SUPT3H: variants seen among roughly 807,000 people sequenced by gnomAD.
SUPT3H encodes the protein transcription initiation protein SPT3 homolog.
Under a neutral mutation model 44.3 loss-of-function variants are expected in SUPT3H, and 44 were observed. The ratio of observed to expected loss-of-function variants is 0.99; its 90% CI spans 0.78 to 1.28. SUPT3H has a LOEUF of 1.28. Ranked by LOEUF, SUPT3H falls within the 50% of genes most tolerant of loss-of-function variation. The probability of loss-of-function intolerance (pLI) is 0.00; values close to 1 mark genes in which losing one functional copy is unlikely to be tolerated. For synonymous variants in SUPT3H, 124 were observed against 125.6 expected, an observed-to-expected ratio of 0.99 and a Z score of 0.09; for missense variants, 380 against 387.1, an observed-to-expected ratio of 0.98 and a Z score of 0.15.
chr6:45,034,392 A>C (rs920147115), intron 3 of SUPT3H, among the ~76,000 whole-genome samples: 2 of 152,092 alleles, frequency 1.3e-5, no homozygotes, highest in Admixed American at 1.3e-4. Context: ...AGAAAAGAAC[A>C]AAGGGTGAAA....
At chr6:45,315,271 CA>C (rs377199151) in intron 2 of SUPT3H, among the ~76,000 whole-genome samples, 2 of 149,894 alleles carry the variant, frequency 1.3e-5, no homozygotes, top group African/African-American at 2.4e-5. Context: ...GCAATAAAAA[CA>C]AAAAAAAATA....
intron 10 of SUPT3H, among the ~76,000 whole-genome samples, chr6:44,877,197 T>C (rs1016493533): frequency 6.6e-6 from 1 of 152,210 alleles, no homozygotes; most frequent in African/African-American, 2.4e-5. Context: ...CTGGGCACGG[T>C]GGATCATGCC....
chr6:44,879,923 G>A lies in SUPT3H; in HGVS notation c.913-50066C>T, dbSNP rs181332417. Among the ~76,000 whole-genome samples the A allele has an allele frequency of 1.9e-3, 296 of 152,196 alleles. 1 individual carries two copies. Among genetic ancestry groups the A allele is most frequent in the Non-Finnish European group, 3.5e-3 (237 of 68,020 alleles). On this transcript the variant is annotated intron_variant, in intron 10 of 10. Coordinates refer to ENST00000371459, the MANE Select transcript of SUPT3H (RefSeq NM_003599.4). ...CATCCACTCAAAAGCCCCATCTGAA[G>A]GTCACCAAAATCAAAGACCAGAGGT...
Position 45,335,976 on chromosome 6 carries a change from A to G in SUPT3H, c.101+29225T>C, listed in dbSNP as rs114902483. On this transcript the variant is annotated intron_variant, in intron 2 of 10. Transcript: ENST00000371459. ...CTATGGAGATACTACTTACAAAGAC[A>G]ATGTGCTACAGTGTATTTCTAAAGA... Among the ~76,000 whole-genome samples, 855 of 151,400 alleles carry G rather than the reference A, an allele frequency of 5.6e-3. 9 individuals carry two copies. Among genetic ancestry groups the G allele is most frequent in the Non-Finnish European group, 8.6e-3 (577 of 67,358 alleles).
rs1285331915 is a variant in SUPT3H at position 45,253,936 on chromosome 6, C to G, written c.101+111265G>C. 7.6e-5 allele frequency among the ~76,000 whole-genome samples: 11 copies of G among 145,168 alleles called. No homozygotes were observed. The Admixed American group carries it at 7.7e-4, about 10-fold the overall frequency. On this transcript the variant is annotated intron_variant, in intron 2 of 10. Transcript: ENST00000371459. ...GGAAGCACCAGAACAAAAATACATACATATATACACACGTACACATGCACA... is the reference window on the plus strand; with the variant it reads ...GGAAGCACCAGAACAAAAATACATAGATATATACACACGTACACATGCACA...
intron 2 of SUPT3H, among the ~76,000 whole-genome samples, chr6:45,263,840 TTGG>T (rs1465314664): frequency 6.6e-6 from 1 of 152,200 alleles, no homozygotes; most frequent in Non-Finnish European, 1.5e-5. Context: ...CAAAGGCACC[TTGG>T]TGATTTCATA....
intron 2 of SUPT3H, among the ~76,000 whole-genome samples, chr6:45,155,756 C>T (rs1807715849): frequency 1.3e-5 from 2 of 152,126 alleles, no homozygotes; most frequent in East Asian, 1.9e-4. Context: ...GGGAAAAGGA[C>T]TAAGGGGCAA....
In SUPT3H at chr6:44,961,765, G is replaced by A; in HGVS notation, c.568C>T (p.Gln190Ter). ...AATAGTTACTTACAGAAACTTAATT[G>A]TCGACTTTCACAGAATTCTGCATAT... ...AQYAEFCESR[Q>*]LSFSKKASKF... Residue 190 changes from glutamine (Q) to a stop codon, truncating the protein, a stop_gained, in exon 7 of 11, where the codon CAA becomes TAA. Coordinates refer to ENST00000371459, the MANE Select transcript of SUPT3H (RefSeq NM_003599.4). LOFTEE classifies it high-confidence loss of function. The A allele has an allele frequency of 1.2e-6, 2 of 1,606,918 alleles. No homozygotes were observed. The highest frequency in any genetic ancestry group is 1.7e-6 in the Non-Finnish European group (2 of 1,177,954).
At chr6:45,276,158 G>A (rs1014911804) in intron 2 of SUPT3H, among the ~76,000 whole-genome samples, 3 of 151,852 alleles carry the variant, frequency 2.0e-5, no homozygotes, top group Non-Finnish European at 4.4e-5. Context: ...TACCAAAAAT[G>A]TCAACATACA....
chr6:44,958,033 G>C (rs1775466243), intron 7 of SUPT3H, among the ~76,000 whole-genome samples: 1 of 152,116 alleles, frequency 6.6e-6, no homozygotes, highest in African/African-American at 2.4e-5. Context: ...CAAGAGGTGA[G>C]AGGGGCCTCA....
chr6:44,829,254 T>TGGA lies in SUPT3H; in HGVS notation c.*559_*561dup, dbSNP rs1581853962. The TGGA allele has an allele frequency of 6.6e-6, 1 of 152,036 alleles. No homozygotes were observed. Among genetic ancestry groups the TGGA allele is most frequent in the East Asian group, 1.9e-4 (1 of 5,174 alleles). 9.4% of individuals were successfully genotyped at this position (152,036 alleles called of 1,614,324 possible). On this transcript the variant is annotated 3_prime_UTR_variant, in exon 11 of 11. Transcript: ENST00000371459. ...CATTGAAAATGACACATACTATAAG[T>TGGA]GGAGTGAAGGGGAAAGGAGGTGGGA...
chr6:45,268,062 T>G (rs1027244444), intron 2 of SUPT3H, among the ~76,000 whole-genome samples: 2 of 152,156 alleles, frequency 1.3e-5, no homozygotes, highest in Admixed American at 6.6e-5. Context: ...TTAGTTCTCT[T>G]TCCATAGAAT....
chr6:45,276,119 TCTG>T (rs541964347), intron 2 of SUPT3H, among the ~76,000 whole-genome samples: 30 of 152,228 alleles, frequency 2.0e-4, no homozygotes, highest in African/African-American at 6.7e-4. Flanking sequence ...ACTAAAATAT[TCTG>T]CTATTTACTG....
chr6:44,883,517 G>C (rs1778611365), intron 10 of SUPT3H, among the ~76,000 whole-genome samples: 1 of 152,058 alleles, frequency 6.6e-6, no homozygotes, highest in African/African-American at 2.4e-5. Flanking sequence ...CATACAATTA[G>C]ATAAAACTAC....
chr6:44,968,155 C>T (rs973772961), intron 6 of SUPT3H, among the ~76,000 whole-genome samples: 1 of 151,966 alleles, frequency 6.6e-6, no homozygotes, highest in Non-Finnish European at 1.5e-5. Flanking sequence ...AATGCAGAGT[C>T]CTTTTTGCAT....
intron 2 of SUPT3H, among the ~76,000 whole-genome samples, chr6:45,124,575 G>A (rs992598566): frequency 1.3e-5 from 2 of 151,444 alleles, no homozygotes; most frequent in Admixed American, 6.6e-5. Flanking sequence ...AACCCGGGAC[G>A]CGGAGGTTGC....
intron 4 of SUPT3H, among the ~76,000 whole-genome samples, chr6:45,018,143 T>C (rs1286689300): frequency 1.3e-5 from 2 of 151,894 alleles, no homozygotes; most frequent in Non-Finnish European, 2.9e-5. Context: ...GTTGGCTCTC[T>C]GTTTGTCTGT....
At chr6:45,179,858 A>C (rs1046163044) in intron 2 of SUPT3H, among the ~76,000 whole-genome samples, 2 of 152,222 alleles carry the variant, frequency 1.3e-5, no homozygotes, top group African/African-American at 4.8e-5. Flanking sequence ...TAGTGATGGA[A>C]GTTCTGTCCA....
chr6:45,206,166 T>C lies in SUPT3H; in HGVS notation c.102-100160A>G, dbSNP rs558837616. On this transcript the variant is annotated intron_variant, in intron 2 of 10. Coordinates refer to ENST00000371459, the MANE Select transcript of SUPT3H (RefSeq NM_003599.4). ...TGAACAAAACTGACTAAAATACATTTATGAAGAACATGTGTTAGTAAGGAA... is the reference window on the plus strand; with the variant it reads ...TGAACAAAACTGACTAAAATACATTCATGAAGAACATGTGTTAGTAAGGAA... 1.3e-4 allele frequency among the ~76,000 whole-genome samples: 20 copies of C among 152,346 alleles called. No individual in the cohort carries two copies. The South Asian group carries it at 4.1e-3, about 32-fold the overall frequency.
Sources: gnomAD v4.1 joint callset for allele counts (sites outside exome capture counted in the v4.1 genomes callset) on GRCh38, gnomAD v4.1.1 for gene constraint, MANE v1.5 for transcripts, NCBI Gene and HGNC (gene_info 2026-07-23, HGNC 2026-07-21) for gene names.